The following GDAP1 variants were observed in gnomAD, a reference collection of about 807,000 sequenced individuals.
GDAP1 encodes the protein ganglioside-induced differentiation-associated protein 1.
A neutral mutation model predicts 40.1 loss-of-function variants in GDAP1; 34 were observed. The ratio of observed to expected loss-of-function variants is 0.85; its 90% CI spans 0.64 to 1.13. The LOEUF (loss-of-function observed/expected upper bound fraction) is 1.13. Ranked by LOEUF, GDAP1 falls within the 50% of genes most tolerant of loss-of-function variation. GDAP1 has a pLI of 0.00. For synonymous variants in GDAP1, 170 were observed against 157.4 expected, an observed-to-expected ratio of 1.08 and a Z score of -0.60; for missense variants, 374 against 433.7, an observed-to-expected ratio of 0.86 and a Z score of 1.22.
At chr8:74,371,353 G>T (rs1809745311), downstream of GDAP1, among the ~76,000 whole-genome samples, 1 of 152,188 alleles carries the variant, frequency 6.6e-6, no homozygotes, top group Non-Finnish European at 1.5e-5. Flanking sequence ...GCTGAAAGAA[G>T]AAATCATAAG....
chr8:74,439,585 G>A (rs953307905), intron 2 of GDAP1, among the ~76,000 whole-genome samples: 7 of 151,272 alleles, frequency 4.6e-5, no homozygotes, highest in Admixed American at 3.3e-4. Flanking sequence ...GGGTTCCTGG[G>A]CCAATAGGTG....
intron 2 of GDAP1, among the ~76,000 whole-genome samples, chr8:74,388,705 C>G (rs1433024293): frequency 6.6e-6 from 1 of 152,244 alleles, no homozygotes; most frequent in East Asian, 1.9e-4. Flanking sequence ...CCACTTGGTC[C>G]AAGTTGAGTT....
intron 2 of GDAP1, among the ~76,000 whole-genome samples, chr8:74,448,086 T>G (rs1355552582): frequency 1.3e-5 from 2 of 152,150 alleles, no homozygotes; most frequent in African/African-American, 4.8e-5. Flanking sequence ...TTTTTTGAAT[T>G]TTTATAAGGG....
downstream of GDAP1, among the ~76,000 whole-genome samples, chr8:74,371,592 G>A (rs1346083133): frequency 4.6e-5 from 7 of 151,564 alleles, no homozygotes; most frequent in Admixed American, 2.0e-4. Context: ...CCCGGGAGGC[G>A]GAGCTTGCAG....
chr8:74,443,477 T>A (rs1806187110), intron 2 of GDAP1, among the ~76,000 whole-genome samples: 1 of 152,060 alleles, frequency 6.6e-6, no homozygotes. Flanking sequence ...AATTAGTTGG[T>A]CTATAAAATC....
chr8:74,356,031 A>T (rs1809076089), intron 2 of GDAP1, among the ~76,000 whole-genome samples: 1 of 152,154 alleles, frequency 6.6e-6, no homozygotes, highest in Non-Finnish European at 1.5e-5. Context: ...TATATTAAAA[A>T]TAGTTATTTA....
chr8:74,456,448 G>C (rs374648134), intron 2 of GDAP1, among the ~76,000 whole-genome samples: 6 of 151,790 alleles, frequency 4.0e-5, no homozygotes, highest in African/African-American at 1.5e-4. Context: ...AAACAGTGTG[G>C]TTCAGAGTAA....
intron 2 of GDAP1, among the ~76,000 whole-genome samples, chr8:74,394,096 A>G (rs1810154749): frequency 3.3e-5 from 5 of 152,216 alleles, no homozygotes; most frequent in Admixed American, 2.6e-4. Context: ...AAAGTTCCAC[A>G]TGGCTGGGGA....
At chr8:74,429,837 A>G (rs1806004048) in intron 2 of GDAP1, among the ~76,000 whole-genome samples, 2 of 152,192 alleles carry the variant, frequency 1.3e-5, no homozygotes, top group African/African-American at 2.4e-5. Context: ...AAAGGAAAGA[A>G]TATAATATTT....
At chr8:74,484,175 A>T (rs1461157765) in intron 2 of GDAP1, among the ~76,000 whole-genome samples, 1 of 152,206 alleles carries the variant, frequency 6.6e-6, no homozygotes, top group Non-Finnish European at 1.5e-5. Flanking sequence ...AAGATTCTAA[A>T]AAGTGAAGTT....
chr8:74,431,630 C>T (rs531258641), intron 2 of GDAP1, among the ~76,000 whole-genome samples: 3 of 152,086 alleles, frequency 2.0e-5, no homozygotes, highest in Non-Finnish European at 4.4e-5. Flanking sequence ...TACAGGCGCC[C>T]GCCACTGCAC....
At chr8:74,366,979 A>T, downstream of GDAP1, 1 of 320,218 alleles carries the variant, frequency 3.1e-6, no homozygotes, top group Non-Finnish European at 6.1e-6. Flanking sequence ...GAGGTTAGGT[A>T]TTCAAGATAC....
chr8:74,454,920 C>T (rs1806317260), intron 2 of GDAP1, among the ~76,000 whole-genome samples: 1 of 151,910 alleles, frequency 6.6e-6, no homozygotes, highest in Non-Finnish European at 1.5e-5. Flanking sequence ...AGTATGGTTG[C>T]AGTGTTTTGT....
chr8:74,356,690 G>T lies in GDAP1; in HGVS notation c.311-3447G>T, dbSNP rs866351817. Reference sequence around the variant, plus strand: ...TGTGTGTGTGTGTGTGTGTGTGTGTGTTTGTGTGTGTGTATATATATATAT... The same window carrying T: ...TGTGTGTGTGTGTGTGTGTGTGTGTTTTTGTGTGTGTGTATATATATATAT... On this transcript the variant is annotated intron_variant, in intron 2 of 5. Transcript: ENST00000220822. Among the ~76,000 whole-genome samples the T allele has an allele frequency of 1.2e-3, 141 of 116,926 alleles. 1 individual carries two copies. The highest frequency in any genetic ancestry group is 4.3e-3 in the African/African-American group (131 of 30,388). 76.7% of individuals were successfully genotyped at this position (116,926 alleles called of 152,430 possible).
In GDAP1 at chr8:74,453,627, GTA is replaced by G. The variant is rs1433289796; in HGVS notation, c.166-35049_166-35048del. On this transcript the variant is annotated intron_variant, in intron 2 of 2. Transcript: ENST00000523640. ...CTTTTTTATATGTAAGTGAGATCTG[GTA>G]TTTATTCTCTCTTAGCAAGCCAAAT... Among the ~76,000 whole-genome samples, 2 of 83,930 alleles carry G rather than the reference GTA, an allele frequency of 2.4e-5. 1 individual carries two copies. The highest frequency in any genetic ancestry group is 4.9e-5 in the Non-Finnish European group (2 of 41,146). The allele number at this position is 83,930 out of a possible 152,430, so 55.1% of individuals were successfully genotyped here. A position where few individuals can be genotyped will look rare whatever the true frequency, so the allele number is the denominator to read the frequency against.
At chr8:74,367,937 T>G (rs1809688409), downstream of GDAP1, among the ~76,000 whole-genome samples, 1 of 152,180 alleles carries the variant, frequency 6.6e-6, no homozygotes, top group Non-Finnish European at 1.5e-5. Flanking sequence ...AGAGCAGCTC[T>G]GTAGCACTTG....
At position 74,366,454 on chromosome 8, in the gene GDAP1, C is replaced by A; in HGVS notation, c.*2087C>A. The A allele has an allele frequency of 2.2e-6, 1 of 454,452 alleles. No individual in the cohort carries two copies. The highest frequency in any genetic ancestry group is 1.6e-5 in the South Asian group (1 of 64,468). The allele number at this position is 454,452 out of a possible 1,614,324, so 28.2% of individuals were successfully genotyped here. A position where few individuals can be genotyped will look rare whatever the true frequency, so the allele number is the denominator to read the frequency against. On this transcript the variant is annotated 3_prime_UTR_variant, in exon 6 of 6. Coordinates refer to ENST00000220822, the MANE Select transcript of GDAP1 (RefSeq NM_018972.4). ...AGCTTGAGGCAAATGTGAGTGATTT[C>A]CAGTGCTTTGAAAGGGATTACAGTA...
At chr8:74,447,082 A>C (rs957435210) in intron 2 of GDAP1, among the ~76,000 whole-genome samples, 1 of 152,168 alleles carries the variant, frequency 6.6e-6, no homozygotes, top group African/African-American at 2.4e-5. Flanking sequence ...TCCTAAATAA[A>C]AGATTAATTA....
chr8:74,476,478 T>G (rs1806630891), intron 2 of GDAP1, among the ~76,000 whole-genome samples: 1 of 152,204 alleles, frequency 6.6e-6, no homozygotes, highest in Non-Finnish European at 1.5e-5. Flanking sequence ...GCAGGTCTGG[T>G]GGTAACAAAT....
Sources: allele counts gnomAD v4.1 joint callset (sites outside exome capture counted in the v4.1 genomes callset), GRCh38; gene constraint gnomAD v4.1.1; transcripts MANE v1.5; gene names NCBI Gene and HGNC (gene_info 2026-07-23, HGNC 2026-07-21).